IL1RAPL2: variants seen among roughly 807,000 people sequenced by gnomAD.
IL1RAPL2 encodes the protein interleukin 1 receptor accessory protein like 2.
IL1RAPL2 carries 3 observed loss-of-function variants against 44.1 expected under a neutral mutation model. The observed-to-expected ratio is 0.07, with a 90% confidence interval of 0.03 to 0.18. The LOEUF (loss-of-function observed/expected upper bound fraction) is 0.18, where lower values mean the gene tolerates loss of function less well. Ranked by LOEUF, IL1RAPL2 falls within the 10% of genes least tolerant of loss-of-function variation. IL1RAPL2 has a pLI of 1.00. For missense variants in IL1RAPL2, 391 were observed against 496.4 expected (o/e 0.79, Z 2.02); for synonymous variants, 181 against 178.8 (o/e 1.01, Z -0.10).
chrX:105,032,526 T>C (rs2031526714), intron 2 of IL1RAPL2, among the ~76,000 whole-genome samples: 1 of 111,948 alleles, frequency 8.9e-6, no homozygotes, highest in Admixed American at 9.5e-5. Flanking sequence ...TTCCATGTAG[T>C]TGAGCAGTTT....
In IL1RAPL2 at chrX:104,906,829, T is replaced by A. The variant is rs769824658; in HGVS notation, c.82+247834T>A. Among the ~76,000 whole-genome samples the A allele has an allele frequency of 1.4e-3, 156 of 111,937 alleles. 1 individual carries two copies. The highest frequency in any genetic ancestry group is 4.7e-3 in the African/African-American group (144 of 30,803). On this transcript the variant is annotated intron_variant, in intron 2 of 10. Transcript: ENST00000372582. ...AATGATGCTGGCCTCATAAAATGAG[T>A]TAGGGAGGATTCCCTCTTTTTCTAT...
At chrX:104,992,378 C>T (rs973404913) in intron 2 of IL1RAPL2, among the ~76,000 whole-genome samples, 9 of 111,453 alleles carry the variant, frequency 8.1e-5, no homozygotes, top group African/African-American at 2.9e-4. Context: ...TAAGCCCTTA[C>T]ACCGGGTACT....
chrX:105,360,825 C>T (rs752856066), intron 5 of IL1RAPL2, among the ~76,000 whole-genome samples: 2 of 110,830 alleles, frequency 1.8e-5, no homozygotes, highest in African/African-American at 3.3e-5. Flanking sequence ...ATTTAAAAGC[C>T]GTTTCCAAAG....
At chrX:105,358,850 G>A (rs1602375446) in intron 5 of IL1RAPL2, among the ~76,000 whole-genome samples, 2 of 111,872 alleles carry the variant, frequency 1.8e-5, no homozygotes, top group South Asian at 7.4e-4. Flanking sequence ...TGAGACTTTG[G>A]CTCTGTAAGG....
At chrX:105,521,028 T>C (rs1314740336) in intron 6 of IL1RAPL2, among the ~76,000 whole-genome samples, 1 of 100,962 alleles carries the variant, frequency 9.9e-6, no homozygotes, top group African/African-American at 3.6e-5. Flanking sequence ...TCCACCTCCT[T>C]GGTTCACGCC....
intron 6 of IL1RAPL2, among the ~76,000 whole-genome samples, chrX:105,485,701 G>A (rs768397446): frequency 9.0e-6 from 1 of 111,655 alleles, no homozygotes; most frequent in African/African-American, 3.3e-5. Context: ...AAGTGAGAAC[G>A]TGTGAAATTC....
chrX:105,309,927 G>A (rs1451533342), intron 5 of IL1RAPL2, among the ~76,000 whole-genome samples: 2 of 110,825 alleles, frequency 1.8e-5, no homozygotes, highest in Non-Finnish European at 1.9e-5. Context: ...CTCTATTAAT[G>A]AGCCATATGA....
intron 2 of IL1RAPL2, among the ~76,000 whole-genome samples, chrX:105,132,125 C>T (rs1272684241): frequency 2.8e-5 from 3 of 106,335 alleles, no homozygotes; most frequent in African/African-American, 6.9e-5. Flanking sequence ...CAATGAAAGT[C>T]GTCTTGGTTC....
chrX:104,946,750 C>A (rs377660645), intron 2 of IL1RAPL2, among the ~76,000 whole-genome samples: 13 of 99,941 alleles, frequency 1.3e-4, no homozygotes, highest in African/African-American at 3.3e-4. Flanking sequence ...TGAACTCATC[C>A]TTTTTTATGG....
chrX:105,465,746 G>A (rs2036123954), intron 5 of IL1RAPL2, among the ~76,000 whole-genome samples: 1 of 111,592 alleles, frequency 9.0e-6, no homozygotes, highest in South Asian at 3.7e-4. Context: ...GCCCAGCAAA[G>A]AAGGGGCTGT....
At chrX:104,988,122 C>A (rs1257143720) in intron 2 of IL1RAPL2, among the ~76,000 whole-genome samples, 1 of 112,073 alleles carries the variant, frequency 8.9e-6, no homozygotes, top group Non-Finnish European at 1.9e-5. Context: ...TTTCTTCTGA[C>A]CACTAGCTAT....
chrX:104,876,609 A>G (rs2147655338), intron 2 of IL1RAPL2, among the ~76,000 whole-genome samples: 1 of 108,077 alleles, frequency 9.3e-6, no homozygotes, highest in Non-Finnish European at 1.9e-5. Flanking sequence ...GAGGTACAAA[A>G]ACTGGTTCAC....
intron 2 of IL1RAPL2, among the ~76,000 whole-genome samples, chrX:105,008,444 A>T (rs2213340): frequency 0.47 from 51,366 of 109,796 alleles, 9,430 homozygotes; most frequent in East Asian, 0.75. Context: ...TTTCAGTTTC[A>T]TATACCATAG....
intron 2 of IL1RAPL2, among the ~76,000 whole-genome samples, chrX:104,720,706 A>AC (rs1437303320): frequency 9.0e-6 from 1 of 111,183 alleles, no homozygotes; most frequent in Admixed American, 9.6e-5. Flanking sequence ...TGTACCTTGA[A>AC]CTATACCCCT....
At chrX:105,441,501 T>C (rs1479867882) in intron 5 of IL1RAPL2, among the ~76,000 whole-genome samples, 1 of 111,771 alleles carries the variant, frequency 8.9e-6, no homozygotes, top group Non-Finnish European at 1.9e-5. Flanking sequence ...TAGTGCTGTA[T>C]AATGACGTAT....
At chrX:105,527,353 A>G (rs752199496) in intron 6 of IL1RAPL2, among the ~76,000 whole-genome samples, 1 of 110,923 alleles carries the variant, frequency 9.0e-6, no homozygotes, top group South Asian at 3.8e-4. Flanking sequence ...AATAATGGCC[A>G]GTTGTGGATC....
At chrX:105,278,139 G>A (rs916559775) in intron 5 of IL1RAPL2, among the ~76,000 whole-genome samples, 3 of 111,931 alleles carry the variant, frequency 2.7e-5, no homozygotes, top group African/African-American at 9.7e-5. Flanking sequence ...GGCTGTGAGA[G>A]CATTCATTCC....
At chrX:105,413,677 G>C (rs1009994881) in intron 5 of IL1RAPL2, among the ~76,000 whole-genome samples, 2 of 112,190 alleles carry the variant, frequency 1.8e-5, no homozygotes, top group Non-Finnish European at 3.8e-5. Context: ...AAATCATTAC[G>C]TTTGTGGTAA....
intron 2 of IL1RAPL2, among the ~76,000 whole-genome samples, chrX:104,960,904 G>C (rs1452039205): frequency 9.0e-6 from 1 of 111,574 alleles, no homozygotes; most frequent in East Asian, 2.8e-4. Context: ...AGCATCTGCA[G>C]CTCCTGAATC....
Sources: allele counts gnomAD v4.1 joint callset (sites outside exome capture counted in the v4.1 genomes callset), GRCh38; gene constraint gnomAD v4.1.1; transcripts MANE v1.5; gene names NCBI Gene and HGNC (gene_info 2026-07-23, HGNC 2026-07-21).